The following ACADM variants were observed in gnomAD, a reference collection of about 807,000 sequenced individuals.
ACADM encodes acyl-CoA dehydrogenase medium chain.
A neutral mutation model predicts 58.9 loss-of-function variants in ACADM; 49 were observed. That is an observed-to-expected ratio of 0.83 (90% confidence interval 0.66 to 1.06). The LOEUF (loss-of-function observed/expected upper bound fraction) is 1.06. ACADM is among the 50% of genes least tolerant of loss of function. The pLI is 0.00. For synonymous variants in ACADM, 160 were observed against 157.7 expected, an observed-to-expected ratio of 1.01 and a Z score of -0.11; for missense variants, 496 against 507.0, an observed-to-expected ratio of 0.98 and a Z score of 0.21.
Position 75,751,157 on chromosome 1 carries a change from C to T in ACADM, c.945+611C>T, listed in dbSNP as rs1000271484. Among the ~76,000 whole-genome samples the T allele has an allele frequency of 1.3e-4, 20 of 150,718 alleles. No individual in the cohort carries two copies. In the South Asian group the frequency reaches 3.3e-3, roughly 25 times the overall value. ...GAGATCAAGACCATCCTGGCTAACA[C>T]GGTGAAACCCCGTCTCTACTAAAAA... On this transcript the variant is annotated intron_variant, in intron 10 of 11. Transcript: ENST00000370841.
rs772978426 is a variant in ACADM at position 75,761,071 on chromosome 1, T to A, written c.946-51T>A. The A allele has an allele frequency of 3.2e-6, 5 of 1,563,010 alleles. No individual in the cohort carries two copies. In the Admixed American group the frequency reaches 7.0e-5, roughly 22 times the overall value. Reference sequence around the variant, plus strand: ...AAATGAAAAAGCCCCAGGAAAAAACTTTTAAGTTTTCTCAATAAATATCCT... The same window carrying A: ...AAATGAAAAAGCCCCAGGAAAAAACATTTAAGTTTTCTCAATAAATATCCT... On this transcript the variant is annotated intron_variant, in intron 10 of 11. Transcript: ENST00000370841.
intron 8 of ACADM, among the ~76,000 whole-genome samples, chr1:75,747,040 T>C (rs1647941167): frequency 6.6e-6 from 1 of 152,252 alleles, no homozygotes. Flanking sequence ...CAGATGATAC[T>C]GTTGTATGTA....
chr1:75,737,241 T>C lies in ACADM; in HGVS notation c.468+2370T>C, dbSNP rs1369382714. 3.8e-5 allele frequency among the ~76,000 whole-genome samples: 5 copies of C among 132,808 alleles called. No individual in the cohort carries two copies. In the South Asian group the frequency reaches 9.7e-4, roughly 26 times the overall value. The allele number at this position is 132,808 out of a possible 152,430, so 87.1% of individuals were successfully genotyped here. A position where few individuals can be genotyped will look rare whatever the true frequency, so the allele number is the denominator to read the frequency against. On this transcript the variant is annotated intron_variant, in intron 6 of 11. Coordinates refer to ENST00000370841, the MANE Select transcript of ACADM (RefSeq NM_000016.6). ...TGAGGCCAGGAGTTCAAGACCAGCC[T>C]GGACAACGTTGAGAGACTGCCACCA... is the stretch of plus-strand genomic sequence containing the variant.
chr1:75,744,583 A>AC (rs1184057486), intron 7 of ACADM: 5 of 1,342,750 alleles, frequency 3.7e-6, no homozygotes, highest in Non-Finnish European at 5.3e-6. Flanking sequence ...ATACTTGCAT[A>AC]CAGTTGTAGT....
chr1:75,725,055 C>T (rs953595014), intron 1 of ACADM, among the ~76,000 whole-genome samples: 1 of 152,140 alleles, frequency 6.6e-6, no homozygotes, highest in Non-Finnish European at 1.5e-5. Context: ...GGCATCCTCT[C>T]TTTAGAATAT....
intron 10 of ACADM, 41 bp downstream of exon 10, chr1:75,750,587 C>G: frequency 7.9e-7 from 1 of 1,267,700 alleles, no homozygotes; most frequent in Non-Finnish European, 1.1e-6. Context: ...TGTAAAGACA[C>G]TCATTTTCAT....
At chr1:75,734,511 G>C in intron 5 of ACADM, 1 of 389,234 alleles carries the variant, frequency 2.6e-6, no homozygotes, top group Non-Finnish European at 4.9e-6. Context: ...TACATACTGT[G>C]TCACATATTC....
At chr1:75,735,781 T>C (rs1265918123) in intron 6 of ACADM, among the ~76,000 whole-genome samples, 1 of 151,482 alleles carries the variant, frequency 6.6e-6, no homozygotes. Context: ...GAGGCAGAGG[T>C]TGCTGAGTAA....
In ACADM at chr1:75,728,472, A is replaced by G. The variant is rs1256395026; in HGVS notation, c.102A>G (p.Gly34=). Residue 34 remains glycine (G), a synonymous_variant, in exon 2 of 12, where the codon GGA becomes GGG. Coordinates refer to ENST00000370841, the MANE Select transcript of ACADM (RefSeq NM_000016.6). ...AAGCCAATCGACAACGTGAACCAGG[A>G]TTAGGATTTAGTTTTGGTATATGTT... The part of the protein sequence containing the change: ...HTKANRQREP[G]LGFSFEFTEQ... 1.2e-6 allele frequency: 2 copies of G among 1,613,000 alleles called. No homozygotes were observed. The highest frequency in any genetic ancestry group is 1.7e-6 in the Non-Finnish European group (2 of 1,179,172).
At chr1:75,727,721 A>C (rs777407440) in intron 1 of ACADM, among the ~76,000 whole-genome samples, 1 of 152,108 alleles carries the variant, frequency 6.6e-6, no homozygotes, top group Admixed American at 6.5e-5. Context: ...CGGATAGTAC[A>C]TGTTTTTGGC....
chr1:75,734,366 G>A (rs1647203959), intron 5 of ACADM, among the ~76,000 whole-genome samples: 3 of 149,744 alleles, frequency 2.0e-5, no homozygotes, highest in South Asian at 2.1e-4. Flanking sequence ...TAGTAGAGAC[G>A]GGGTGTCACC....
intron 7 of ACADM, among the ~76,000 whole-genome samples, chr1:75,741,526 C>T (rs1360781978): frequency 6.6e-6 from 1 of 152,118 alleles, no homozygotes; most frequent in Non-Finnish European, 1.5e-5. Flanking sequence ...GTTTTGGAGG[C>T]TGAGGCAGGA....
chr1:75,733,150 G>A (rs778243064), intron 4 of ACADM: 2 of 1,612,388 alleles, frequency 1.2e-6, no homozygotes, highest in East Asian at 2.2e-5. Context: ...CTAAACCTTG[G>A]TAACTTCCGT....
chr1:75,733,463 T>C, intron 4 of ACADM, 65 bp from the exon 5 acceptor site: 1 of 1,450,648 alleles, frequency 6.9e-7, no homozygotes, highest in South Asian at 1.2e-5. Flanking sequence ...ATTAAAATAG[T>C]TTACCTTTAT....
At chr1:75,731,832 C>T (rs1162122665) in intron 2 of ACADM, among the ~76,000 whole-genome samples, 1 of 152,032 alleles carries the variant, frequency 6.6e-6, no homozygotes, top group South Asian at 2.1e-4. Flanking sequence ...CAAGACCAGC[C>T]TGGCATCATA....
chr1:75,760,977 TAGG>T, intron 10 of ACADM, 142 bp from the exon 11 acceptor site: 1 of 747,084 alleles, frequency 1.3e-6, no homozygotes, highest in South Asian at 1.8e-5. Context: ...GAGGCCTAAG[TAGG>T]AGGATTGCTT....
At chr1:75,761,620 T>C (rs1648867265) in intron 11 of ACADM, 1 of 477,408 alleles carries the variant, frequency 2.1e-6, no homozygotes, top group Non-Finnish European at 3.7e-6. Context: ...ATTAGATTTC[T>C]TTGAGTTTTA....
chr1:75,752,306 T>C (rs1648253778), intron 10 of ACADM, among the ~76,000 whole-genome samples: 1 of 152,240 alleles, frequency 6.6e-6, no homozygotes, highest in Admixed American at 6.5e-5. Context: ...GAAAGACCAG[T>C]TTGTTTTAAT....
intron 1 of ACADM, among the ~76,000 whole-genome samples, chr1:75,726,277 C>T (rs1240405111): frequency 2.0e-5 from 3 of 150,940 alleles, no homozygotes; most frequent in Non-Finnish European, 2.9e-5. Context: ...GGCATGGTAG[C>T]ATATGCCTGT....
Sources: allele counts gnomAD v4.1 joint callset (sites outside exome capture counted in the v4.1 genomes callset), GRCh38; gene constraint gnomAD v4.1.1; transcripts MANE v1.5; gene names NCBI Gene and HGNC (gene_info 2026-07-23, HGNC 2026-07-21).